TOGARAM1: variants seen among roughly 807,000 people sequenced by gnomAD.
The protein encoded by TOGARAM1 is TOG array regulator of axonemal microtubules protein 1.
TOGARAM1 carries 100 observed loss-of-function variants against 166.6 expected under a neutral mutation model. That is an observed-to-expected ratio of 0.60 (90% CI 0.51 to 0.71). The LOEUF (loss-of-function observed/expected upper bound fraction) is 0.71, where lower values mean the gene tolerates loss of function less well. Among genes scored for constraint, TOGARAM1 ranks in the 30% least tolerant of loss-of-function variants. The pLI, the probability that TOGARAM1 is intolerant of heterozygous loss-of-function variation, is 0.00. For synonymous variants in TOGARAM1, 758 were observed against 763.8 expected, an observed-to-expected ratio of 0.99 and a Z score of 0.13; for missense variants, 2,029 against 2,102.7, an observed-to-expected ratio of 0.96 and a Z score of 0.69.
At chr14:44,966,084 A>G (rs1016702442) in intron 1 of TOGARAM1, among the ~76,000 whole-genome samples, 1 of 149,096 alleles carries the variant, frequency 6.7e-6, no homozygotes, top group Non-Finnish European at 1.5e-5. Flanking sequence ...CATGTTGGCC[A>G]GGCCTGTCTC....
chr14:45,012,293 A>T (rs1566632769), intron 7 of TOGARAM1, among the ~76,000 whole-genome samples: 1 of 152,134 alleles, frequency 6.6e-6, no homozygotes, highest in Non-Finnish European at 1.5e-5. Flanking sequence ...TTTAAAGCTC[A>T]ATTGGCATAC....
chr14:44,970,366 T>G (rs1885815146), intron 1 of TOGARAM1, among the ~76,000 whole-genome samples: 1 of 152,200 alleles, frequency 6.6e-6, no homozygotes, highest in Admixed American at 6.5e-5. Context: ...GGAAAATGCT[T>G]GACTTTTGCA....
chr14:45,047,386 T>TC (rs1174886176), intron 14 of TOGARAM1, among the ~76,000 whole-genome samples: 1 of 146,044 alleles, frequency 6.8e-6, no homozygotes, highest in Non-Finnish European at 1.5e-5. Flanking sequence ...AGCGAGACTC[T>TC]GTCTCAAAAA....
chr14:44,963,355 G>A lies in TOGARAM1; in HGVS notation c.934G>A (p.Glu312Lys), dbSNP rs1454587675. The A allele has an allele frequency of 1.9e-6, 3 of 1,614,140 alleles. No homozygotes were observed. The highest frequency in any genetic ancestry group is 2.2e-5 in the South Asian group (2 of 91,074). Residue 312 changes from glutamate to lysine, a missense_variant, in exon 1 of 20, where the codon GAG (glutamate) becomes AAG (lysine). By Grantham distance (56) the Glu-to-Lys change is moderately conservative. Coordinates refer to ENST00000361462, the MANE Select transcript of TOGARAM1 (RefSeq NM_001308120.2). ...ALRRHYNRRLESQFGSQVPYY... is the reference protein window; with the variant it reads ...ALRRHYNRRLKSQFGSQVPYY... ...GAGGAGACACTACAATCGCCGCCTG[G>A]AGTCCCAGTTTGGAAGTCAGGTTCC...
intron 1 of TOGARAM1, among the ~76,000 whole-genome samples, chr14:44,965,513 TATGTTTACTTG>T (rs1412711137): frequency 1.3e-5 from 2 of 152,230 alleles, no homozygotes; most frequent in South Asian, 2.1e-4. Flanking sequence ...TTTACATTTA[TATGTTTACTTG>T]ATTAGATTCA....
intron 16 of TOGARAM1, among the ~76,000 whole-genome samples, chr14:45,060,214 G>T (rs550691622): frequency 3.2e-4 from 47 of 145,496 alleles, no homozygotes; most frequent in African/African-American, 1.2e-3. Flanking sequence ...CACTGCACCC[G>T]GCCTTTTTTT....
At chr14:44,989,816 A>C (rs1450816507) in intron 1 of TOGARAM1, among the ~76,000 whole-genome samples, 1 of 152,182 alleles carries the variant, frequency 6.6e-6, no homozygotes, top group African/African-American at 2.4e-5. Context: ...ACTGCCCAAG[A>C]CTGGGTAATT....
At chr14:45,011,511 G>A (rs1268305470) in intron 6 of TOGARAM1, among the ~76,000 whole-genome samples, 1 of 151,896 alleles carries the variant, frequency 6.6e-6, no homozygotes, top group Admixed American at 6.6e-5. Context: ...ATGGAGTTTT[G>A]CGATGGTGCC....
intron 11 of TOGARAM1, among the ~76,000 whole-genome samples, chr14:45,037,567 T>C (rs1881497134): frequency 1.3e-5 from 2 of 152,218 alleles, no homozygotes; most frequent in Admixed American, 1.3e-4. Context: ...ATAAAGGAAT[T>C]AATTCATCAA....
chr14:45,010,072 A>G (rs1339874317), intron 6 of TOGARAM1, among the ~76,000 whole-genome samples: 1 of 152,204 alleles, frequency 6.6e-6, no homozygotes, highest in Non-Finnish European at 1.5e-5. Flanking sequence ...CCTGAACCAG[A>G]AGTAAATATT....
chr14:45,073,433 G>T lies in TOGARAM1; in HGVS notation c.5194G>T (p.Ala1732Ser), dbSNP rs374102527. 6.2e-7 allele frequency: 1 copy of T among 1,614,148 alleles called. No individual in the cohort carries two copies. The highest frequency in any genetic ancestry group is 1.6e-4 in the Middle Eastern group (1 of 6,062). ...TGGAGGAAATATACGAACAGCCACA[G>T]CTAAATTATCAAAAGCACTCTTTGC... ...GAGGNIRTATAKLSKALFAQM... is the reference protein window; with the variant it reads ...GAGGNIRTATSKLSKALFAQM... Residue 1732 changes from alanine (A) to serine (S), a missense_variant, in exon 20 of 20, where the codon GCT becomes TCT. Coordinates refer to ENST00000361462, the MANE Select transcript of TOGARAM1 (RefSeq NM_001308120.2).
At chr14:45,064,679 A>G (rs1274387231) in intron 16 of TOGARAM1, among the ~76,000 whole-genome samples, 1 of 151,822 alleles carries the variant, frequency 6.6e-6, no homozygotes, top group Non-Finnish European at 1.5e-5. Flanking sequence ...TGAGGTCTCA[A>G]TTTGTTGCCC....
chr14:44,968,046 A>G (rs1885655570), intron 1 of TOGARAM1, among the ~76,000 whole-genome samples: 1 of 152,178 alleles, frequency 6.6e-6, no homozygotes, highest in Admixed American at 6.5e-5. Flanking sequence ...AGATAAGTGC[A>G]TTTCTGAAAT....
chr14:44,966,174 A>AT (rs1885527821), intron 1 of TOGARAM1, among the ~76,000 whole-genome samples: 1 of 151,368 alleles, frequency 6.6e-6, no homozygotes, highest in Non-Finnish European at 1.5e-5. Context: ...CCAAATTGTA[A>AT]TTTTTAAATT....
chr14:44,976,825 G>A (rs1226524478), intron 1 of TOGARAM1, among the ~76,000 whole-genome samples: 1 of 152,018 alleles, frequency 6.6e-6, no homozygotes, highest in Non-Finnish European at 1.5e-5. Flanking sequence ...GTGCTTCTTT[G>A]GTCCTATATT....
At chr14:45,037,809 C>T (rs888186350) in intron 11 of TOGARAM1, among the ~76,000 whole-genome samples, 3 of 150,754 alleles carry the variant, frequency 2.0e-5, no homozygotes, top group Non-Finnish European at 3.0e-5. Context: ...GGGCGGATCA[C>T]GAGGTCAGGA....
intron 2 of TOGARAM1, 129 bp from the exon 3 acceptor site, chr14:44,999,234 C>A: frequency 2.4e-6 from 2 of 849,294 alleles, no homozygotes; most frequent in Non-Finnish European, 3.4e-6. Flanking sequence ...TCTTGCCTGC[C>A]TACCTCACTG....
intron 17 of TOGARAM1, 101 bp downstream of exon 17, chr14:45,066,868 G>C: frequency 1.1e-6 from 1 of 950,400 alleles, no homozygotes; most frequent in Non-Finnish European, 1.5e-6. Flanking sequence ...TTGAGGCTAG[G>C]AGTTCAAAGT....
rs765828097 is a variant in TOGARAM1, at chr14:45,044,820, T to C, written c.4104T>C (p.Asn1368=). Residue 1368 remains asparagine (N), a synonymous_variant, in exon 13 of 20, where the codon AAT becomes AAC. Coordinates refer to ENST00000361462, the MANE Select transcript of TOGARAM1 (RefSeq NM_001308120.2). ...ACAAAGCATTGAGAGCTATGGTTAA[T>C]AATGTAACTCCTGCACGTGCAGTTG... The part of the protein sequence containing the change: ...DVDKALRAMV[N]NVTPARAVVS... The C allele has an allele frequency of 1.2e-6, 2 of 1,614,036 alleles. No individual in the cohort carries two copies. The highest frequency in any genetic ancestry group is 1.1e-5 in the South Asian group (1 of 91,068).
Sources: gnomAD v4.1 joint callset for allele counts (sites outside exome capture counted in the v4.1 genomes callset) on GRCh38, gnomAD v4.1.1 for gene constraint, MANE v1.5 for transcripts, NCBI Gene and HGNC (gene_info 2026-07-23, HGNC 2026-07-21) for gene names.